Variants in CTNNA3 observed in about 807,000 individuals in gnomAD.
CTNNA3 encodes the protein catenin alpha-3.
Under a neutral mutation model 95.7 loss-of-function variants are expected in CTNNA3, and 76 were observed. The observed-to-expected ratio is 0.79, with a 90% confidence interval of 0.66 to 0.96. The LOEUF is 0.96. Ranked by LOEUF, CTNNA3 falls within the 40% of genes least tolerant of loss-of-function variation. The pLI is 0.00. For missense variants in CTNNA3, 1,191 were observed against 1,089.8 expected (o/e 1.09, Z -1.31); for synonymous variants, 431 against 374.4 (o/e 1.15, Z -1.74).
At chr10:66,033,491 C>T (rs1267380484) in intron 15 of CTNNA3, among the ~76,000 whole-genome samples, 4 of 151,542 alleles carry the variant, frequency 2.6e-5, no homozygotes, top group Admixed American at 6.6e-5. Flanking sequence ...TATAAGTCTT[C>T]TAAATCTTGT....
chr10:66,076,673 C>T lies in CTNNA3; in HGVS notation c.1978-7184G>A, dbSNP rs114253693. Among the ~76,000 whole-genome samples the T allele has an allele frequency of 1.1e-3, 168 of 151,618 alleles. 1 individual carries two copies. Among genetic ancestry groups the T allele is most frequent in the Middle Eastern group, 6.8e-3 (2 of 292 alleles). The stretch of plus-strand genomic sequence containing the variant: ...ACTTTATAGGCTTCAGGGACTGGGT[C>T]GAAACAGAGTAAATTATCAGGTATA... On this transcript the variant is annotated intron_variant, in intron 14 of 17. Coordinates refer to ENST00000433211, the MANE Select transcript of CTNNA3 (RefSeq NM_013266.4).
intron 7 of CTNNA3, chr10:66,926,245 G>T (rs369616603): frequency 4.2e-6 from 2 of 477,334 alleles, no homozygotes; most frequent in East Asian, 4.5e-5. Context: ...TCGATAAGAA[G>T]AAATTGTAGG....
intron 5 of CTNNA3, among the ~76,000 whole-genome samples, chr10:67,426,406 A>T (rs1189170341): frequency 6.6e-6 from 1 of 152,136 alleles, no homozygotes; most frequent in Non-Finnish European, 1.5e-5. Flanking sequence ...TAGATAGGAA[A>T]TACACAAAAT....
chr10:65,949,277 T>G (rs1400927736), intron 17 of CTNNA3, among the ~76,000 whole-genome samples: 1 of 152,336 alleles, frequency 6.6e-6, no homozygotes, highest in South Asian at 2.1e-4. Flanking sequence ...CATCAGTTAC[T>G]AACCATGTGA....
intron 13 of CTNNA3, among the ~76,000 whole-genome samples, chr10:66,152,793 A>G (rs953491652): frequency 7.9e-5 from 12 of 151,922 alleles, no homozygotes; most frequent in Non-Finnish European, 1.5e-4. Context: ...AAAGTGCCCT[A>G]CTGAAACTTT....
chr10:66,775,448 C>T lies in CTNNA3; in HGVS notation c.1124G>A (p.Arg375Lys), dbSNP rs1840256688. Residue 375 changes from arginine to lysine, a missense_variant, in exon 8 of 18, where the codon AGA becomes AAA. Coordinates refer to ENST00000433211, the MANE Select transcript of CTNNA3 (RefSeq NM_013266.4). ...NMCKKTRDLRRQLRKAIIDHV... is the reference protein window; with the variant it reads ...NMCKKTRDLRKQLRKAIIDHV... The stretch of plus-strand genomic sequence containing the variant: ...CATATCTCTCTCTTCCCTCACCTGT[C>T]TGCGAAGGTCTCTTGTCTTCTTACA... The T allele has an allele frequency of 6.2e-7, 1 of 1,607,160 alleles. No homozygotes were observed. The highest frequency in any genetic ancestry group is 8.5e-7 in the Non-Finnish European group (1 of 1,175,574).
intron 5 of CTNNA3, among the ~76,000 whole-genome samples, chr10:67,516,707 C>G (rs1401020749): frequency 6.6e-6 from 1 of 152,130 alleles, no homozygotes; most frequent in African/African-American, 2.4e-5. Flanking sequence ...GTCCCCAGAA[C>G]TTGTTCATCT....
intron 11 of CTNNA3, among the ~76,000 whole-genome samples, chr10:66,485,769 G>A (rs1839704923): frequency 1.3e-5 from 2 of 151,936 alleles, no homozygotes; most frequent in Admixed American, 1.3e-4. Flanking sequence ...ATCCACAAAA[G>A]ACCATGAATA....
At chr10:66,625,323 T>C (rs1368736514) in intron 9 of CTNNA3, among the ~76,000 whole-genome samples, 1 of 152,128 alleles carries the variant, frequency 6.6e-6, no homozygotes, top group Non-Finnish European at 1.5e-5. Flanking sequence ...AGCCAGACAA[T>C]TCCTCAGCTG....
chr10:67,595,679 A>G (rs1842914994), intron 3 of CTNNA3, among the ~76,000 whole-genome samples: 1 of 152,110 alleles, frequency 6.6e-6, no homozygotes, highest in Non-Finnish European at 1.5e-5. Flanking sequence ...GGTTTTGAAT[A>G]TCTTTGTTAG....
At chr10:67,699,575 C>A (rs1328084909), upstream of CTNNA3, among the ~76,000 whole-genome samples, 1 of 152,186 alleles carries the variant, frequency 6.6e-6, no homozygotes, top group Non-Finnish European at 1.5e-5. Context: ...TAAGGAATTT[C>A]CAGTATTTGA....
intron 5 of CTNNA3, among the ~76,000 whole-genome samples, chr10:67,317,160 T>G (rs1378168050): frequency 7.4e-5 from 5 of 67,806 alleles, no homozygotes; most frequent in Non-Finnish European, 2.6e-4. Flanking sequence ...CATCGGGTTT[T>G]GTTTTGTTTT....
intron 7 of CTNNA3, among the ~76,000 whole-genome samples, chr10:67,128,448 T>C (rs935308979): frequency 6.6e-6 from 1 of 152,026 alleles, no homozygotes; most frequent in Non-Finnish European, 1.5e-5. Flanking sequence ...CTTTTTTTTT[T>C]AAAGAATAAC....
chr10:66,819,063 G>C (rs1842202218), intron 7 of CTNNA3, among the ~76,000 whole-genome samples: 1 of 144,682 alleles, frequency 6.9e-6, no homozygotes, highest in Non-Finnish European at 1.5e-5. Context: ...GCACTCCAGA[G>C]CCTGGGCAAC....
chr10:66,089,127 A>T (rs928093234), intron 14 of CTNNA3, among the ~76,000 whole-genome samples: 4 of 151,798 alleles, frequency 2.6e-5, no homozygotes, highest in African/African-American at 9.7e-5. Flanking sequence ...GGTCTTTGGT[A>T]TCACATTTGG....
intron 12 of CTNNA3, among the ~76,000 whole-genome samples, chr10:66,291,934 TTATAA>T (rs915636542): frequency 5.3e-5 from 8 of 151,132 alleles, no homozygotes; most frequent in African/African-American, 1.7e-4. Flanking sequence ...TATATATGTA[TTATAA>T]TATATCTCAT....
At chr10:67,097,577 T>G (rs1271101622) in intron 7 of CTNNA3, 1 of 1,611,002 alleles carries the variant, frequency 6.2e-7, no homozygotes, top group Non-Finnish European at 8.5e-7. Context: ...CTCATGTCAT[T>G]TTTCCCCAGA....
intron 7 of CTNNA3, among the ~76,000 whole-genome samples, chr10:66,902,622 GAT>G (rs1233867207): frequency 7.9e-5 from 12 of 152,124 alleles, no homozygotes; most frequent in African/African-American, 2.9e-4. Context: ...CAACAAAATT[GAT>G]AGACCACTAG....
At chr10:66,319,268 C>G (rs571632071) in intron 12 of CTNNA3, among the ~76,000 whole-genome samples, 1 of 152,064 alleles carries the variant, frequency 6.6e-6, no homozygotes, top group South Asian at 2.1e-4. Context: ...GAGAAAAACA[C>G]TCTTGGAGTA....
Sources: allele counts gnomAD v4.1 joint callset (sites outside exome capture counted in the v4.1 genomes callset), GRCh38; gene constraint gnomAD v4.1.1; transcripts MANE v1.5; gene names NCBI Gene and HGNC (gene_info 2026-07-23, HGNC 2026-07-21).